KIAA1549L: variants seen among roughly 807,000 people sequenced by gnomAD.
The protein encoded by KIAA1549L is KIAA1549 like, also known as UPF0606 protein KIAA1549L.
A neutral mutation model predicts 160.7 loss-of-function variants in KIAA1549L; 88 were observed. That is an observed-to-expected ratio of 0.55 (90% CI 0.46 to 0.65). The LOEUF (loss-of-function observed/expected upper bound fraction) is 0.65. Among genes scored for constraint, KIAA1549L ranks in the 30% least tolerant of loss-of-function variants. KIAA1549L has a pLI of 0.00. For missense variants in KIAA1549L, 2,258 were observed against 2,437.5 expected, an observed-to-expected ratio of 0.93 and a Z score of 1.55; for synonymous variants, 950 against 976.7, an observed-to-expected ratio of 0.97 and a Z score of 0.51.
chr11:33,553,096 C>CTTTTAT (rs1854522964), intron 6 of KIAA1549L, among the ~76,000 whole-genome samples: 1 of 152,140 alleles, frequency 6.6e-6, no homozygotes, highest in South Asian at 2.1e-4. Context: ...GTAGGGGCTG[C>CTTTTAT]TTTTATTGGG....
At chr11:33,381,204 G>A (rs915629409) in intron 1 of KIAA1549L, among the ~76,000 whole-genome samples, 1 of 152,196 alleles carries the variant, frequency 6.6e-6, no homozygotes, top group Non-Finnish European at 1.5e-5. Flanking sequence ...ATGCAAGTTT[G>A]TGGACCCCAT....
intron 1 of KIAA1549L, among the ~76,000 whole-genome samples, chr11:33,435,783 T>A (rs1279440499): frequency 8.6e-5 from 1 of 11,584 alleles, no homozygotes; most frequent in Non-Finnish European, 1.3e-4. Context: ...TATATATATA[T>A]ATATATATAT....
At position 33,606,562 on chromosome 11, in the gene KIAA1549L, T is replaced by C. The variant is rs1005269794; in HGVS notation, c.4880-79T>C. The C allele has an allele frequency of 9.9e-6, 14 of 1,414,886 alleles. No homozygotes were observed. In the Admixed American group the frequency reaches 2.0e-4, roughly 21 times the overall value. 87.6% of individuals were successfully genotyped at this position (1,414,886 alleles called of 1,614,324 possible). ...TTTGAGTAAAGTAATGTCCTTAGGC[T>C]GTGAGTCTAACATAAATTCTCCTGG... On this transcript the variant is annotated intron_variant, in intron 13 of 20. Transcript: ENST00000658780.
At chr11:33,651,431 T>TG (rs397848810) in intron 17 of KIAA1549L, among the ~76,000 whole-genome samples, 1 of 114,394 alleles carries the variant, frequency 8.7e-6, no homozygotes, top group African/African-American at 2.6e-5. Flanking sequence ...AGCAAGACTC[T>TG]GTCTCAAAAA....
intron 1 of KIAA1549L, among the ~76,000 whole-genome samples, chr11:33,518,131 T>C: frequency 1.3e-5 from 1 of 75,726 alleles, no homozygotes. Context: ...AGAGCAAGAC[T>C]CTGTCTCAAA....
At chr11:33,649,544 C>G (rs193126952) in intron 17 of KIAA1549L, among the ~76,000 whole-genome samples, 1 of 149,396 alleles carries the variant, frequency 6.7e-6, no homozygotes, top group African/African-American at 2.5e-5. Flanking sequence ...GCAGCAGCAG[C>G]AGCTTACCCA....
chr11:33,456,691 C>T (rs1007623002), intron 1 of KIAA1549L, among the ~76,000 whole-genome samples: 2 of 152,204 alleles, frequency 1.3e-5, no homozygotes, highest in Admixed American at 6.5e-5. Flanking sequence ...GGACTACAGG[C>T]GTGAGCCATT....
chr11:33,625,067 G>A (rs1851063292), intron 16 of KIAA1549L, among the ~76,000 whole-genome samples: 2 of 151,688 alleles, frequency 1.3e-5, no homozygotes, highest in Non-Finnish European at 2.9e-5. Context: ...TTTCATCCAT[G>A]TCCCTACAAA....
intron 1 of KIAA1549L, among the ~76,000 whole-genome samples, chr11:33,463,743 C>A (rs946783500): frequency 3.3e-5 from 5 of 152,208 alleles, no homozygotes; most frequent in African/African-American, 1.2e-4. Context: ...GCTTTAACTT[C>A]TTTGCTCTCT....
chr11:33,435,794 ATATATATATATATATATGTGTGTG>A (rs1851352018), intron 1 of KIAA1549L, among the ~76,000 whole-genome samples: 1 of 32,354 alleles, frequency 3.1e-5, no homozygotes, highest in Admixed American at 3.2e-4. Flanking sequence ...ATATATATAT[ATATATATATATATATATGTGTGTG>A]TATATATATA....
rs903245261 is a variant in KIAA1549L at position 33,465,939 on chromosome 11, G to A, written c.239-75863G>A. ...CATTCAGGACATAGGCATGGACAAG[G>A]ACTTCATGACTAAAACGCCAAAAGC... On this transcript the variant is annotated intron_variant, in intron 1 of 20. Transcript: ENST00000658780. 6.6e-5 allele frequency among the ~76,000 whole-genome samples: 10 copies of A among 152,152 alleles called. No homozygotes were observed. The East Asian group carries it at 1.3e-3, about 20-fold the overall frequency.
intron 1 of KIAA1549L, among the ~76,000 whole-genome samples, chr11:33,382,491 G>GT (rs1222072805): frequency 6.6e-6 from 1 of 152,076 alleles, no homozygotes; most frequent in Non-Finnish European, 1.5e-5. Context: ...TTCTTATGAA[G>GT]TTTTTTCTCT....
At chr11:33,639,323 C>T (rs1851524249) in intron 16 of KIAA1549L, among the ~76,000 whole-genome samples, 2 of 152,118 alleles carry the variant, frequency 1.3e-5, no homozygotes, top group Non-Finnish European at 2.9e-5. Flanking sequence ...CCAGGTGCTT[C>T]CTCTATCCAA....
At chr11:33,544,424 C>T (rs984041324) in intron 2 of KIAA1549L, 88 bp downstream of exon 2, 65 of 1,371,196 alleles carry the variant, frequency 4.7e-5, no homozygotes, top group South Asian at 3.9e-5. Flanking sequence ...TCAAGCTCAA[C>T]GCAGATACCA....
In KIAA1549L at chr11:33,412,204, C is replaced by G. The variant is rs1015677998; in HGVS notation, c.238+35315C>G. ...TCAATAAAAACGGTGATGCTTAAATCAGCTAATGCTCTATTTCTTACATGA... is the reference window on the plus strand; with the variant it reads ...TCAATAAAAACGGTGATGCTTAAATGAGCTAATGCTCTATTTCTTACATGA... On this transcript the variant is annotated intron_variant, in intron 1 of 20. Transcript: ENST00000658780. Among the ~76,000 whole-genome samples the G allele has an allele frequency of 3.6e-4, 55 of 152,306 alleles. No individual in the cohort carries two copies. The Middle Eastern group carries it at 0.017, about 47-fold the overall frequency.
chr11:33,551,833 T>G (rs967795164), intron 5 of KIAA1549L, among the ~76,000 whole-genome samples: 19 of 152,220 alleles, frequency 1.2e-4, no homozygotes, highest in Non-Finnish European at 2.1e-4. Flanking sequence ...TGTCAGTCTT[T>G]GAGCAGATGT....
At chr11:33,515,562 C>T (rs896886190) in intron 1 of KIAA1549L, among the ~76,000 whole-genome samples, 2 of 152,174 alleles carry the variant, frequency 1.3e-5, no homozygotes, top group Non-Finnish European at 2.9e-5. Context: ...GGTTTCCCCA[C>T]GTGGGTGGTG....
intron 12 of KIAA1549L, among the ~76,000 whole-genome samples, chr11:33,592,406 C>T (rs957722506): frequency 6.6e-6 from 1 of 152,134 alleles, no homozygotes; most frequent in Non-Finnish European, 1.5e-5. Flanking sequence ...TTTGCAATAG[C>T]CTTATAAAGA....
intron 12 of KIAA1549L, 37 bp downstream of exon 12, chr11:33,591,458 C>A: frequency 6.6e-7 from 1 of 1,511,968 alleles, no homozygotes; most frequent in Non-Finnish European, 9.0e-7. Flanking sequence ...TCTGTGTCAG[C>A]AAGAGAATAA....
Sources: allele counts gnomAD v4.1 joint callset (sites outside exome capture counted in the v4.1 genomes callset), GRCh38; gene constraint gnomAD v4.1.1; transcripts MANE v1.5; gene names NCBI Gene and HGNC (gene_info 2026-07-23, HGNC 2026-07-21).